The following KLHDC10 variants were observed in gnomAD, a reference collection of about 807,000 sequenced individuals.
The protein encoded by KLHDC10 is kelch domain-containing protein 10.
KLHDC10 carries 24 observed loss-of-function variants against 56.1 expected under a neutral mutation model. The ratio of observed to expected loss-of-function variants is 0.43; its 90% confidence interval spans 0.31 to 0.60. The LOEUF is 0.60. Among genes scored for constraint, KLHDC10 ranks in the 20% least tolerant of loss-of-function variants. KLHDC10 has a pLI of 0.11. For missense variants in KLHDC10, 349 were observed against 567.0 expected (o/e 0.62, Z 3.91); for synonymous variants, 188 against 207.1 (o/e 0.91, Z 0.79).
rs1177738869 is a variant in KLHDC10, at chr7:130,097,009, T to G, written c.253+2T>G. 1 of 1,594,556 alleles carries G rather than the reference T, an allele frequency of 6.3e-7. No homozygotes were observed. Among genetic ancestry groups the G allele is most frequent in the African/African-American group, 1.3e-5 (1 of 74,606 alleles). ...GGATCCCTAACAGGTTTTTGAGAGGTGGGTGATAATTAGCAAGAGATCTGT... is the reference window on the plus strand; with the variant it reads ...GGATCCCTAACAGGTTTTTGAGAGGGGGGTGATAATTAGCAAGAGATCTGT... On this transcript the variant is annotated splice_donor_variant, in intron 2 of 9. Coordinates refer to ENST00000335420, the MANE Select transcript of KLHDC10 (RefSeq NM_014997.4). LOFTEE classifies it high-confidence loss of function.
chr7:130,076,178 A>G (rs1382602091), intron 1 of KLHDC10, among the ~76,000 whole-genome samples: 1 of 152,092 alleles, frequency 6.6e-6, no homozygotes, highest in South Asian at 2.1e-4. Flanking sequence ...TAGCACTCCT[A>G]TGAGAATCTA....
intron 1 of KLHDC10, among the ~76,000 whole-genome samples, chr7:130,093,479 G>A (rs1584625185): frequency 6.6e-6 from 1 of 152,146 alleles, no homozygotes; most frequent in Non-Finnish European, 1.5e-5. Context: ...GCCCATCTCA[G>A]CCTCCCAAAG....
In KLHDC10 at chr7:130,100,585, G is replaced by A. The variant is rs532549002; in HGVS notation, c.253+3578G>A. ...TTCTCAACTTCTCTCTGGTATTGGTGACAGTGAACTAATGAATTGTTGAGA... is the reference window on the plus strand; with the variant it reads ...TTCTCAACTTCTCTCTGGTATTGGTAACAGTGAACTAATGAATTGTTGAGA... On this transcript the variant is annotated intron_variant, in intron 2 of 9. Coordinates refer to ENST00000335420, the MANE Select transcript of KLHDC10 (RefSeq NM_014997.4). 1.9e-4 allele frequency among the ~76,000 whole-genome samples: 29 copies of A among 152,330 alleles called. 1 individual carries two copies. The highest frequency in any genetic ancestry group is 6.5e-4 in the African/African-American group (27 of 41,578).
intron 5 of KLHDC10, 34 bp downstream of exon 5, chr7:130,122,236 T>A: frequency 6.2e-7 from 1 of 1,605,874 alleles, no homozygotes; most frequent in East Asian, 2.2e-5. Context: ...ATTTATTCTT[T>A]CGTGCTAACA....
intron 2 of KLHDC10, among the ~76,000 whole-genome samples, chr7:130,109,415 T>C (rs1396812462): frequency 2.0e-5 from 3 of 151,826 alleles, no homozygotes; most frequent in African/African-American, 7.3e-5. Context: ...TCGGTACAGA[T>C]AGGGTTTCAC....
intron 2 of KLHDC10, among the ~76,000 whole-genome samples, chr7:130,115,047 A>G (rs1297456727): frequency 6.6e-6 from 1 of 152,166 alleles, no homozygotes; most frequent in Non-Finnish European, 1.5e-5. Flanking sequence ...GTTGCTCTCA[A>G]TCTGTGCACA....
intron 5 of KLHDC10, among the ~76,000 whole-genome samples, chr7:130,123,700 T>C (rs1181834629): frequency 6.6e-6 from 1 of 152,218 alleles, no homozygotes; most frequent in Non-Finnish European, 1.5e-5. Context: ...TAAGAGGACT[T>C]GGAAGTTGGC....
At chr7:130,078,605 G>A (rs566019189) in intron 1 of KLHDC10, among the ~76,000 whole-genome samples, 1 of 151,812 alleles carries the variant, frequency 6.6e-6, no homozygotes, top group South Asian at 2.1e-4. Context: ...TGCAACCTCT[G>A]CCTCCCGGGT....
chr7:130,094,229 T>C (rs1795819102), intron 1 of KLHDC10, among the ~76,000 whole-genome samples: 1 of 152,104 alleles, frequency 6.6e-6, no homozygotes, highest in Admixed American at 6.6e-5. Flanking sequence ...CCAGGCCCAG[T>C]TTGGTAATTT....
chr7:130,126,895 G>T (rs1293946087), intron 7 of KLHDC10, among the ~76,000 whole-genome samples: 1 of 152,104 alleles, frequency 6.6e-6, no homozygotes, highest in Non-Finnish European at 1.5e-5. Flanking sequence ...CTGAGCCCAG[G>T]AGTTCGAGAC....
chr7:130,087,813 T>C (rs1039483095), intron 1 of KLHDC10, among the ~76,000 whole-genome samples: 2 of 150,346 alleles, frequency 1.3e-5, no homozygotes, highest in Non-Finnish European at 2.9e-5. Flanking sequence ...CAGGCTGGAG[T>C]GCAATGGTAC....
intron 1 of KLHDC10, among the ~76,000 whole-genome samples, chr7:130,090,540 A>G (rs1795756547): frequency 6.6e-6 from 1 of 151,928 alleles, no homozygotes; most frequent in Non-Finnish European, 1.5e-5. Flanking sequence ...TTGAGCCAAG[A>G]TCATGCCACT....
At position 130,079,703 on chromosome 7, in the gene KLHDC10, TTGCCTGCC is replaced by T. The variant is rs201223332; in HGVS notation, c.166+8904_166+8911del. Reference sequence around the variant, plus strand: ...CACTTTTATAAAACTATTTCAAAGCTTGCCTGCCTGCCTGCCTTCCTGCCTTCCTTCCT... The same window carrying T: ...CACTTTTATAAAACTATTTCAAAGCTTGCCTGCCTTCCTGCCTTCCTTCCT... On this transcript the variant is annotated intron_variant, in intron 1 of 9. Coordinates refer to ENST00000335420, the MANE Select transcript of KLHDC10 (RefSeq NM_014997.4). Among the ~76,000 whole-genome samples the T allele has an allele frequency of 1.9e-3, 274 of 145,536 alleles. 1 individual carries two copies. Among genetic ancestry groups the T allele is most frequent in the African/African-American group, 6.6e-3 (263 of 39,808 alleles).
At chr7:130,123,016 T>TGGATGGATGG (rs1554467482) in intron 5 of KLHDC10, among the ~76,000 whole-genome samples, 1 of 148,932 alleles carries the variant, frequency 6.7e-6, no homozygotes, top group African/African-American at 2.5e-5. Flanking sequence ...TAGATGGATG[T>TGGATGGATGG]ATGGATGGAT....
At position 130,133,927 on chromosome 7, in the gene KLHDC10, T is replaced by G. The variant is rs1476661879; in HGVS notation, c.*3181T>G. The G allele has an allele frequency of 6.6e-6, 1 of 152,262 alleles. No individual in the cohort carries two copies. The highest frequency in any genetic ancestry group is 1.9e-4 in the East Asian group (1 of 5,180). 9.4% of individuals were successfully genotyped at this position (152,262 alleles called of 1,614,324 possible). A position where few individuals can be genotyped will look rare whatever the true frequency, so the allele number is the denominator to read the frequency against. On this transcript the variant is annotated 3_prime_UTR_variant, in exon 10 of 10. Coordinates refer to ENST00000335420, the MANE Select transcript of KLHDC10 (RefSeq NM_014997.4). ...AACAAAACCCTTTCCATTGGCAGAATCTCCTTTTTTCAGGGCCATAATGAC... is the reference window on the plus strand; with the variant it reads ...AACAAAACCCTTTCCATTGGCAGAAGCTCCTTTTTTCAGGGCCATAATGAC...
intron 1 of KLHDC10, among the ~76,000 whole-genome samples, chr7:130,072,033 A>C (rs1030981921): frequency 6.6e-6 from 1 of 152,126 alleles, no homozygotes; most frequent in Non-Finnish European, 1.5e-5. Flanking sequence ...AATATACCAG[A>C]AGTTGGGTTT....
At chr7:130,077,712 C>T (rs758052363) in intron 1 of KLHDC10, among the ~76,000 whole-genome samples, 6 of 151,588 alleles carry the variant, frequency 4.0e-5, no homozygotes, top group East Asian at 3.9e-4. Flanking sequence ...CCTGCTACCA[C>T]GCCCAGCTAA....
chr7:130,085,463 T>C (rs1795674459), intron 1 of KLHDC10, among the ~76,000 whole-genome samples: 1 of 151,802 alleles, frequency 6.6e-6, no homozygotes, highest in Non-Finnish European at 1.5e-5. Context: ...CTTGGTTTCA[T>C]AAGAGTCAAG....
chr7:130,099,577 A>C (rs1018808740), intron 2 of KLHDC10, among the ~76,000 whole-genome samples: 1 of 152,108 alleles, frequency 6.6e-6, no homozygotes, highest in African/African-American at 2.4e-5. Context: ...GGAGGGTTGG[A>C]TCCTCTCAAA....
Sources: allele counts gnomAD v4.1 joint callset (sites outside exome capture counted in the v4.1 genomes callset), GRCh38; gene constraint gnomAD v4.1.1; transcripts MANE v1.5; gene names NCBI Gene and HGNC (gene_info 2026-07-23, HGNC 2026-07-21).